The following MYH9 variants were observed in gnomAD, a reference collection of about 807,000 sequenced individuals.
MYH9 encodes the protein myosin heavy chain 9.
MYH9 carries 29 observed loss-of-function variants against 241.9 expected under a neutral mutation model. The ratio of observed to expected loss-of-function variants is 0.12; its 90% CI spans 0.09 to 0.16. MYH9 has a LOEUF of 0.16. Among genes scored for constraint, MYH9 ranks in the 10% least tolerant of loss-of-function variants. The probability of loss-of-function intolerance (pLI) is 1.00; values close to 1 mark genes in which losing one functional copy is unlikely to be tolerated. For missense variants in MYH9, 1,803 were observed against 2,595.5 expected, an observed-to-expected ratio of 0.69 and a Z score of 6.63; for synonymous variants, 1,047 against 1,062.6, an observed-to-expected ratio of 0.99 and a Z score of 0.29.
At chr22:36,294,405 G>A (rs992655195) in intron 27 of MYH9, 107 bp from the exon 28 acceptor site, 12 of 1,242,630 alleles carry the variant, frequency 9.7e-6, no homozygotes, top group Non-Finnish European at 1.4e-5. Context: ...CTGCAGCCCT[G>A]ACGACGGTGT....
rs1171162381 is a variant in MYH9 at position 36,306,722 on chromosome 22, AAAC to A, written c.1844-118_1844-116del. On this transcript the variant is annotated intron_variant, in intron 15 of 40. Coordinates refer to ENST00000216181, the MANE Select transcript of MYH9 (RefSeq NM_002473.6). This position sits in a 1 kb window ranked among gnomAD's most constrained non-coding sequence, Gnocchi z 4.1. ...GGACAGGAAAAGAGGAGACAGAATGAAACAACAGGACCCTTTCCAATTGGAGCC... is the reference window on the plus strand; with the variant it reads ...GGACAGGAAAAGAGGAGACAGAATGAAACAGGACCCTTTCCAATTGGAGCC... 3 of 1,059,950 alleles carry A rather than the reference AAAC, an allele frequency of 2.8e-6. No homozygotes were observed. The highest frequency in any genetic ancestry group is 3.1e-5 in the African/African-American group (2 of 63,622). 65.7% of individuals were successfully genotyped at this position (1,059,950 alleles called of 1,614,324 possible).
chr22:36,300,056 T>G lies in MYH9; in HGVS notation c.2976+71A>C. On this transcript the variant is annotated intron_variant, in intron 23 of 40. Coordinates refer to ENST00000216181, the MANE Select transcript of MYH9 (RefSeq NM_002473.6). The surrounding 1 kb of genome is among the most constrained non-coding windows in gnomAD (Gnocchi z 5.0). ...GCAGCAGCAGCGGGGAGCCAGGCCCTGCAAGGGTGACCACACTCTCCCATC... is the reference window on the plus strand; with the variant it reads ...GCAGCAGCAGCGGGGAGCCAGGCCCGGCAAGGGTGACCACACTCTCCCATC... 6.3e-7 allele frequency: 1 copy of G among 1,596,280 alleles called. No individual in the cohort carries two copies. Among genetic ancestry groups the G allele is most frequent in the Non-Finnish European group, 8.5e-7 (1 of 1,175,888 alleles).
Position 36,293,910 on chromosome 22 carries a change from G to A in MYH9, c.3838-47C>T, listed in dbSNP as rs1326054763. The A allele has an allele frequency of 6.4e-7, 1 of 1,551,246 alleles. No individual in the cohort carries two copies. Reference sequence around the variant, plus strand: ...AAAGGACCATGGACCCACCCCCACTGCTCCTGCCCCACCTCATCTCCTTTA... The same window carrying A: ...AAAGGACCATGGACCCACCCCCACTACTCCTGCCCCACCTCATCTCCTTTA... On this transcript the variant is annotated intron_variant, in intron 28 of 40. Coordinates refer to ENST00000216181, the MANE Select transcript of MYH9 (RefSeq NM_002473.6). This position sits in a 1 kb window ranked among gnomAD's most constrained non-coding sequence, Gnocchi z 5.1.
chr22:36,284,306 C>A (rs1447291147), intron 39 of MYH9, 41 bp from the exon 40 acceptor site: 3 of 1,604,762 alleles, frequency 1.9e-6, no homozygotes, highest in Non-Finnish European at 2.5e-6. Context: ...CGGTTAGGGG[C>A]TCTGGGCGTG....
chr22:36,313,757 A>G (rs2017105322), intron 13 of MYH9, among the ~76,000 whole-genome samples: 1 of 152,212 alleles, frequency 6.6e-6, no homozygotes, highest in South Asian at 2.1e-4. Context: ...CAGTGAAAGC[A>G]GCCCGCGATA....
chr22:36,358,090 C>G (rs1432254766), intron 1 of MYH9, among the ~76,000 whole-genome samples: 1 of 152,186 alleles, frequency 6.6e-6, no homozygotes, highest in African/African-American at 2.4e-5. Context: ...CAGCTCACCC[C>G]ACCCTGGGAA....
In MYH9 at chr22:36,358,111, C is replaced by A. The variant is rs565565461; in HGVS notation, c.-19-8856G>T. ...ACCCCACCCTGGGAATCCCATCAGGCTGGAATGCAGTGGCGTGATCTTGGC... is the reference window on the plus strand; with the variant it reads ...ACCCCACCCTGGGAATCCCATCAGGATGGAATGCAGTGGCGTGATCTTGGC... On this transcript the variant is annotated intron_variant, in intron 1 of 40. Coordinates refer to ENST00000216181, the MANE Select transcript of MYH9 (RefSeq NM_002473.6). 6.6e-5 allele frequency among the ~76,000 whole-genome samples: 10 copies of A among 152,212 alleles called. No homozygotes were observed. The South Asian group carries it at 1.9e-3, about 28-fold the overall frequency.
At chr22:36,358,665 C>A (rs2017892985) in intron 1 of MYH9, among the ~76,000 whole-genome samples, 1 of 152,124 alleles carries the variant, frequency 6.6e-6, no homozygotes, top group Non-Finnish European at 1.5e-5. Context: ...TCCTCCCCAG[C>A]CCTCCGCCAA....
rs900968982 is a variant in MYH9 at position 36,281,864 on chromosome 22, T to C, written c.*804A>G. On this transcript the variant is annotated 3_prime_UTR_variant, in exon 41 of 41. Coordinates refer to ENST00000216181, the MANE Select transcript of MYH9 (RefSeq NM_002473.6). ...AGACTTGGGACAAGTCCCTTAACCA[T>C]TAAATATATTTGGTCCCCAAGAGTG... is the stretch of plus-strand genomic sequence containing the variant. 6 of 230,276 alleles carry C rather than the reference T, an allele frequency of 2.6e-5. No homozygotes were observed. The highest frequency in any genetic ancestry group is 8.9e-5 in the African/African-American group (4 of 45,122). The allele number at this position is 230,276 out of a possible 1,614,324, so 14.3% of individuals were successfully genotyped here. A position where few individuals can be genotyped will look rare whatever the true frequency, so the allele number is the denominator to read the frequency against.
At chr22:36,336,434 C>G (rs181675788) in intron 3 of MYH9, among the ~76,000 whole-genome samples, 2 of 152,228 alleles carry the variant, frequency 1.3e-5, no homozygotes, top group Non-Finnish European at 2.9e-5. Context: ...GTGCCTGCCC[C>G]GGGACACAGT....
chr22:36,321,765 A>C lies in MYH9; in HGVS notation c.762T>G (p.Ile254Met). The C allele has an allele frequency of 6.2e-7, 1 of 1,613,780 alleles. No individual in the cohort carries two copies. Residue 254 changes from isoleucine (I) to methionine (M), a missense_variant, in exon 7 of 41, where the codon ATT becomes ATG. This residue lies in a region of MYH9 where 222 missense variants were observed against 359.9 expected (regional missense o/e 0.62). Coordinates refer to ENST00000216181, the MANE Select transcript of MYH9 (RefSeq NM_002473.6). The part of the protein sequence containing the change: ...DVNGYIVGAN[I>M]ETYLLEKSRA... Reference sequence around the variant, plus strand: ...AACGAACCACAAGGATACAAGTCTCAATGTTGGCTCCAACAATGTAGCCAT... The same window carrying C: ...AACGAACCACAAGGATACAAGTCTCCATGTTGGCTCCAACAATGTAGCCAT...
Position 36,306,462 on chromosome 22 carries a change from G to A in MYH9, c.1989C>T (p.Asn663=), listed in dbSNP as rs766539020. 3 of 1,614,028 alleles carry A rather than the reference G, an allele frequency of 1.9e-6. No individual in the cohort carries two copies. The highest frequency in any genetic ancestry group is 2.7e-5 in the African/African-American group (2 of 74,928). Reference sequence around the variant, plus strand: ...TGCAGCGGACAAAGTTGGGGTTCGTGTTCCTCAGCGTAGCCATCAGCTTGG... The same window carrying A: ...TGCAGCGGACAAAGTTGGGGTTCGTATTCCTCAGCGTAGCCATCAGCTTGG... ...QLAKLMATLR[N]TNPNFVRCII... is the part of the protein sequence containing the mutation. Residue 663 remains asparagine, a synonymous_variant, in exon 16 of 41, where the codon AAC becomes AAT. Coordinates refer to ENST00000216181, the MANE Select transcript of MYH9 (RefSeq NM_002473.6). The surrounding 1 kb of genome is among the most constrained non-coding windows in gnomAD (Gnocchi z 4.1).
At chr22:36,354,268 G>A (rs1038610510) in intron 1 of MYH9, among the ~76,000 whole-genome samples, 11 of 151,954 alleles carry the variant, frequency 7.2e-5, no homozygotes, top group Admixed American at 2.0e-4. Context: ...GGCCCTGAGA[G>A]AAAGTAACTC....
Position 36,286,797 on chromosome 22 carries a change from C to A in MYH9, c.4982G>T (p.Arg1661Leu). Residue 1661 changes from arginine (R) to leucine (L), a missense_variant, in exon 35 of 41, where the codon CGT (arginine) becomes CTT (leucine). Coordinates refer to ENST00000216181, the MANE Select transcript of MYH9 (RefSeq NM_002473.6). ...TTTGGCCTGGGCCAGGATCTCCTCA[C>A]GAGAGGCGCGGGTGTCATCCAGCTC... ...MRELDDTRAS[R>L]EEILAQAKEN... 1.2e-6 allele frequency: 2 copies of A among 1,612,332 alleles called. No individual in the cohort carries two copies. Among genetic ancestry groups the A allele is most frequent in the Non-Finnish European group, 1.7e-6 (2 of 1,180,024 alleles).
At chr22:36,360,030 A>ACAACACCACCACCACCAC (rs528391200) in intron 1 of MYH9, among the ~76,000 whole-genome samples, 1 of 102,160 alleles carries the variant, frequency 9.8e-6, no homozygotes, top group Non-Finnish European at 2.1e-5. Context: ...ATGAGGACAA[A>ACAACACCACCACCACCAC]CACCACCACC....
chr22:36,291,873 C>A, intron 31 of MYH9, 113 bp downstream of exon 31: 1 of 1,529,462 alleles, frequency 6.5e-7, no homozygotes, highest in Non-Finnish European at 8.9e-7. Context: ...CCCCGCACGG[C>A]CCCTCCCCGG....
intron 12 of MYH9, among the ~76,000 whole-genome samples, chr22:36,314,818 T>C (rs566096339): frequency 3.3e-5 from 5 of 152,164 alleles, no homozygotes; most frequent in South Asian, 4.2e-4. Flanking sequence ...ATGGCTAATA[T>C]TGGTATTTTT....
At position 36,329,150 on chromosome 22, in the gene MYH9, G is replaced by C. The variant is rs79296526; in HGVS notation, c.491-1662C>G. 6.6e-6 allele frequency among the ~76,000 whole-genome samples: 1 copy of C among 152,118 alleles called. No individual in the cohort carries two copies. The highest frequency in any genetic ancestry group is 1.5e-5 in the Non-Finnish European group (1 of 68,016). On this transcript the variant is annotated intron_variant, in intron 3 of 40. Coordinates refer to ENST00000216181, the MANE Select transcript of MYH9 (RefSeq NM_002473.6). The surrounding 1 kb of genome is among the most constrained non-coding windows in gnomAD (Gnocchi z 4.1). ...CCAGCCCCCTAAGCATCAACGGGGT[G>C]GGGGCGCAGAGGGGCTGGGTCACTC...
chr22:36,358,567 C>G (rs1035620401), intron 1 of MYH9, among the ~76,000 whole-genome samples: 1 of 152,154 alleles, frequency 6.6e-6, no homozygotes, highest in Non-Finnish European at 1.5e-5. Context: ...AACTCCCCCA[C>G]CATCTCTCCC....
Sources: gnomAD v4.1 joint callset for allele counts (sites outside exome capture counted in the v4.1 genomes callset) on GRCh38, gnomAD v4.1.1 for gene constraint, gnomAD v4.1.1 regional missense constraint, Gnocchi (gnomAD v3.1) non-coding constraint, MANE v1.5 for transcripts, NCBI Gene and HGNC (gene_info 2026-07-23, HGNC 2026-07-21) for gene names.